Variants in PARP15 observed in about 807,000 individuals in gnomAD.
PARP15 encodes the protein poly(ADP-ribose) polymerase family member 15, also known as protein mono-ADP-ribosyltransferase PARP15.
A neutral mutation model predicts 62.1 loss-of-function variants in PARP15; 50 were observed. That is an observed-to-expected ratio of 0.81 (90% CI 0.64 to 1.02). PARP15 has a LOEUF of 1.02. Ranked by LOEUF, PARP15 falls within the 50% of genes least tolerant of loss-of-function variation. The pLI, the probability that PARP15 is intolerant of heterozygous loss-of-function variation, is 0.00. For synonymous variants in PARP15, 309 were observed against 293.1 expected, an observed-to-expected ratio of 1.05 and a Z score of -0.55; for missense variants, 820 against 826.5, an observed-to-expected ratio of 0.99 and a Z score of 0.10.
rs533220082 is a variant in PARP15, at chr3:122,613,029, T to G, written c.544-12T>G. Reference sequence around the variant, plus strand: ...AGCCCTAACTTATGTAAATGTACTTTGCACATTTCAGATCATGGCAAATAT... The same window carrying G: ...AGCCCTAACTTATGTAAATGTACTTGGCACATTTCAGATCATGGCAAATAT... On this transcript the variant is annotated splice_polypyrimidine_tract_variant and intron_variant, in intron 3 of 11. Coordinates refer to ENST00000464300, the MANE Select transcript of PARP15 (RefSeq NM_001113523.3). 26 of 1,538,100 alleles carry G rather than the reference T, an allele frequency of 1.7e-5. No individual in the cohort carries two copies. The South Asian group carries it at 3.0e-4, about 18-fold the overall frequency.
At chr3:122,609,320 T>C (rs1935397718) in intron 2 of PARP15, among the ~76,000 whole-genome samples, 1 of 152,178 alleles carries the variant, frequency 6.6e-6, no homozygotes, top group South Asian at 2.1e-4. Flanking sequence ...ATTATTAGGT[T>C]GAGAAATATA....
chr3:122,610,288 TC>T (rs1406520905), intron 2 of PARP15, among the ~76,000 whole-genome samples: 3 of 152,340 alleles, frequency 2.0e-5, no homozygotes, highest in Admixed American at 6.5e-5. Context: ...TTAATATATT[TC>T]CTTAATGTCT....
rs138977842 is a variant in PARP15 at position 122,618,411 on chromosome 3, T to C, written c.1000+1247T>C. ...CAAAAGATAACAAATTTTTAGACGA[T>C]GGGGAGCTGCTAGCCAAGGGTGGTA... On this transcript the variant is annotated intron_variant, in intron 6 of 11. Transcript: ENST00000464300. Among the ~76,000 whole-genome samples the C allele has an allele frequency of 2.9e-3, 436 of 152,144 alleles. 2 individuals carry two copies. The highest frequency in any genetic ancestry group is 4.5e-3 in the Non-Finnish European group (303 of 67,988).
At chr3:122,631,716 T>C (rs575208152) in intron 9 of PARP15, among the ~76,000 whole-genome samples, 3 of 152,348 alleles carry the variant, frequency 2.0e-5, no homozygotes, top group Admixed American at 2.0e-4. Context: ...AGAAGAGAAC[T>C]ACATTAAATA....
At chr3:122,582,485 AT>A (rs1933033126) in intron 1 of PARP15, among the ~76,000 whole-genome samples, 1 of 152,172 alleles carries the variant, frequency 6.6e-6, no homozygotes, top group South Asian at 2.1e-4. Context: ...CATGAATGAC[AT>A]TTTCTAAGTT....
At position 122,621,544 on chromosome 3, in the gene PARP15, C is replaced by T. The variant is rs751488270; in HGVS notation, c.1164C>T (p.Val388=). The part of the protein sequence containing the change: ...VPGGKDVRKT[V]TSVLEECEQR... ...GGGGAAAAGATGTCAGGAAAACGGT[C>T]ACCAGTGTTCTAGAAGAGTGTGAAC... The change falls in exon 8 of 12, where the codon GTC becomes GTT. Residue 388 remains valine, a synonymous_variant. Coordinates refer to ENST00000464300, the MANE Select transcript of PARP15 (RefSeq NM_001113523.3). 2 of 1,614,058 alleles carry T rather than the reference C, an allele frequency of 1.2e-6. No individual in the cohort carries two copies. The highest frequency in any genetic ancestry group is 1.7e-6 in the Non-Finnish European group (2 of 1,179,972).
intron 1 of PARP15, among the ~76,000 whole-genome samples, chr3:122,591,446 A>G (rs557989527): frequency 2.0e-5 from 3 of 152,304 alleles, no homozygotes; most frequent in African/African-American, 4.8e-5. Flanking sequence ...AGTAACACAC[A>G]ACATTAAAGT....
chr3:122,584,550 A>G (rs1313102009), intron 1 of PARP15, among the ~76,000 whole-genome samples: 4 of 149,042 alleles, frequency 2.7e-5, no homozygotes, highest in Non-Finnish European at 5.9e-5. Context: ...TATCATGTTA[A>G]GGAAATATTC....
In PARP15 at chr3:122,618,099, G is replaced by T. The variant is rs183940439; in HGVS notation, c.1000+935G>T. 2.8e-3 allele frequency among the ~76,000 whole-genome samples: 427 copies of T among 152,220 alleles called. 3 individuals are homozygous for T. The highest frequency in any genetic ancestry group is 0.01 in the African/African-American group (421 of 41,514). On this transcript the variant is annotated intron_variant, in intron 6 of 11. Transcript: ENST00000464300. ...AAAAGGGTAAAATAAAACGGAAATA[G>T]AATTTAAATATTTTCTAAGTTGAAA...
intron 1 of PARP15, among the ~76,000 whole-genome samples, chr3:122,591,059 C>T (rs183533079): frequency 1.1e-4 from 17 of 152,270 alleles, no homozygotes; most frequent in Non-Finnish European, 2.5e-4. Flanking sequence ...AATGAGTTAC[C>T]ATTTTCCTTG....
chr3:122,622,920 C>G (rs9865643), intron 8 of PARP15, among the ~76,000 whole-genome samples: 48,662 of 151,946 alleles, frequency 0.32, 10,657 homozygotes, highest in African/African-American at 0.64. Context: ...CCTGGTCTTA[C>G]AGCCACCACC....
intron 1 of PARP15, among the ~76,000 whole-genome samples, chr3:122,578,542 A>G (rs993568453): frequency 4.6e-5 from 7 of 152,070 alleles, no homozygotes; most frequent in Middle Eastern, 3.4e-3. Flanking sequence ...CTAGACTTTC[A>G]TATGTGGTTC....
intron 10 of PARP15, among the ~76,000 whole-genome samples, chr3:122,634,685 G>T (rs1408319413): frequency 1.3e-5 from 2 of 152,222 alleles, no homozygotes; most frequent in African/African-American, 4.8e-5. Context: ...TTTTGAGTAG[G>T]TGTTTGAATG....
At chr3:122,579,840 A>G (rs6438746) in intron 1 of PARP15, among the ~76,000 whole-genome samples, 55,773 of 150,178 alleles carry the variant, frequency 0.37, 10,774 homozygotes, top group Admixed American at 0.46. Flanking sequence ...TTAGCCAGGC[A>G]TGGTGGCACA....
Position 122,627,033 on chromosome 3 carries a change from T to G in PARP15, c.1438T>G (p.Cys480Gly), listed in dbSNP as rs759428250. Residue 480 changes from cysteine to glycine, a missense_variant and splice_region_variant, in exon 9 of 12, where the codon TGT becomes GGT. This residue lies in a region of PARP15 where 731 missense variants were observed against 727.7 expected (regional missense o/e 1.00). Transcript: ENST00000464300. ...NFQSTFSMTT[C>G]NLPEHWTDMN... ...TCAGTCCACATTCTCCATGACTACA[T>G]GTAAGATGTTCACTTTTTAAAAATC... is the stretch of plus-strand genomic sequence containing the variant. 9 of 1,599,334 alleles carry G rather than the reference T, an allele frequency of 5.6e-6. No homozygotes were observed. In the Admixed American group the frequency reaches 1.6e-4, roughly 28 times the overall value.
intron 1 of PARP15, among the ~76,000 whole-genome samples, chr3:122,595,955 A>C (rs972791701): frequency 3.6e-4 from 55 of 152,006 alleles, no homozygotes; most frequent in Admixed American, 3.3e-3. Context: ...GTGGCATTAA[A>C]TACTGTGTAC....
chr3:122,584,756 T>C (rs1007803115), intron 1 of PARP15, among the ~76,000 whole-genome samples: 5 of 152,064 alleles, frequency 3.3e-5, no homozygotes, highest in Non-Finnish European at 7.4e-5. Flanking sequence ...TTTTGCATTT[T>C]TAGTGGAGAC....
intron 1 of PARP15, among the ~76,000 whole-genome samples, chr3:122,578,530 T>G (rs949309656): frequency 4.6e-5 from 7 of 152,224 alleles, no homozygotes; most frequent in Admixed American, 4.6e-4. Context: ...CTTTATCATG[T>G]ACTAGACTTT....
chr3:122,622,884 TAA>T (rs1936438151), intron 8 of PARP15, among the ~76,000 whole-genome samples: 1 of 152,194 alleles, frequency 6.6e-6, no homozygotes, highest in Non-Finnish European at 1.5e-5. Context: ...ACCATTAATC[TAA>T]GAGAGTTTTT....
Sources: allele counts gnomAD v4.1 joint callset (sites outside exome capture counted in the v4.1 genomes callset), GRCh38; gene constraint gnomAD v4.1.1; regional missense constraint gnomAD v4.1.1; transcripts MANE v1.5; gene names NCBI Gene and HGNC (gene_info 2026-07-23, HGNC 2026-07-21).